The following PAPOLA variants were observed in gnomAD, a reference collection of about 807,000 sequenced individuals.
The protein encoded by PAPOLA is poly(A) polymerase alpha, also known as polynucleotide adenylyltransferase alpha.
PAPOLA carries 15 observed loss-of-function variants against 100.6 expected under a neutral mutation model. The ratio of observed to expected loss-of-function variants is 0.15; its 90% CI spans 0.10 to 0.23. The LOEUF is 0.23. Among genes scored for constraint, PAPOLA ranks in the 10% least tolerant of loss-of-function variants. The pLI is 1.00. For synonymous variants in PAPOLA, 293 were observed against 300.0 expected (o/e 0.98, Z 0.24); for missense variants, 533 against 884.2 (o/e 0.60, Z 5.04).
chr14:96,544,453 T>A (rs191596973), intron 15 of PAPOLA, among the ~76,000 whole-genome samples, 195 bp downstream of exon 15: 27 of 152,108 alleles, frequency 1.8e-4, no homozygotes, highest in African/African-American at 6.5e-4. Flanking sequence ...CCAGAAGTGT[T>A]TAGGATTTTT....
chr14:96,552,149 T>C (rs1900893615), intron 16 of PAPOLA, among the ~76,000 whole-genome samples: 1 of 152,224 alleles, frequency 6.6e-6, no homozygotes, highest in Admixed American at 6.5e-5. Flanking sequence ...TGTATATTTT[T>C]AGAGTTCTCT....
In PAPOLA at chr14:96,520,000, T is replaced by G. The variant is rs1897809038; in HGVS notation, c.9-55T>G. The G allele has an allele frequency of 3.6e-6, 5 of 1,402,686 alleles. No individual in the cohort carries two copies. The Admixed American group carries it at 6.2e-5, about 17-fold the overall frequency. The allele number at this position is 1,402,686 out of a possible 1,614,324, so 86.9% of individuals were successfully genotyped here. A position where few individuals can be genotyped will look rare whatever the true frequency, so the allele number is the denominator to read the frequency against. On this transcript the variant is annotated intron_variant, in intron 1 of 21. Coordinates refer to ENST00000216277, the MANE Select transcript of PAPOLA (RefSeq NM_032632.5). ...AATTAGTTTTTCTGGTCTTACTGAT[T>G]TGTTTCAAATTGTAGAATTCTTTTG...
chr14:96,520,533 G>C (rs1172455763), intron 2 of PAPOLA, among the ~76,000 whole-genome samples: 1 of 151,944 alleles, frequency 6.6e-6, no homozygotes, highest in Non-Finnish European at 1.5e-5. Flanking sequence ...CCGCCACCAC[G>C]CCCGGCTAAT....
Position 96,506,080 on chromosome 14 carries a change from T to A in PAPOLA, c.8+3480T>A, listed in dbSNP as rs562559417. ...CACCACGCTCAGCTAATTTTTGTAT[T>A]TTTAGTAGAGACGAGGTTTCACCAT... is the stretch of plus-strand genomic sequence containing the variant. On this transcript the variant is annotated intron_variant, in intron 1 of 21. Coordinates refer to ENST00000216277, the MANE Select transcript of PAPOLA (RefSeq NM_032632.5). Among the ~76,000 whole-genome samples the A allele has an allele frequency of 8.9e-4, 136 of 152,244 alleles. 1 individual carries two copies. The South Asian group carries it at 0.02, about 23-fold the overall frequency.
chr14:96,511,947 A>G (rs533611054), intron 1 of PAPOLA, among the ~76,000 whole-genome samples: 2 of 152,350 alleles, frequency 1.3e-5, no homozygotes, highest in East Asian at 3.9e-4. Context: ...TATTTCACAA[A>G]ATAGTGTTTT....
chr14:96,536,902 G>C, intron 11 of PAPOLA, 74 bp from the exon 12 acceptor site: 2 of 845,530 alleles, frequency 2.4e-6, no homozygotes, highest in Admixed American at 3.8e-5. Flanking sequence ...AGTGCATGTA[G>C]TATGATTAAG....
At chr14:96,556,435 T>G in intron 19 of PAPOLA, 22 bp downstream of exon 19, 1 of 1,466,812 alleles carries the variant, frequency 6.8e-7, no homozygotes, top group African/African-American at 1.4e-5. Flanking sequence ...AAAAACATAT[T>G]AGTTAGCCAT....
rs71103533 is a variant in PAPOLA at position 96,507,280 on chromosome 14, G to GTTTTTTTTTTTTTTTTT, written c.8+4689_8+4705dup. Among the ~76,000 whole-genome samples, 50 of 80,694 alleles carry GTTTTTTTTTTTTTTTTT rather than the reference G, an allele frequency of 6.2e-4. 3 individuals are homozygous for GTTTTTTTTTTTTTTTTT. The highest frequency in any genetic ancestry group is 1.8e-3 in the African/African-American group (31 of 17,602). The allele number at this position is 80,694 out of a possible 152,430, so 52.9% of individuals were successfully genotyped here. A position where few individuals can be genotyped will look rare whatever the true frequency, so the allele number is the denominator to read the frequency against. On this transcript the variant is annotated intron_variant, in intron 1 of 21. Coordinates refer to ENST00000216277, the MANE Select transcript of PAPOLA (RefSeq NM_032632.5). ...ACTAAATTTTTTGTTTTGGAAAATA[G>GTTTTTTTTTTTTTTTTT]TTTTTTTTTTTTTTTTTTTTTTTTT...
At chr14:96,510,786 T>TC in intron 1 of PAPOLA, among the ~76,000 whole-genome samples, 1 of 152,358 alleles carries the variant, frequency 6.6e-6, no homozygotes, top group African/African-American at 2.4e-5. Context: ...CAGAACACCT[T>TC]ACGGTGGGCC....
At chr14:96,537,091 G>C (rs776914045) in intron 12 of PAPOLA, 31 bp downstream of exon 12, 2 of 1,139,706 alleles carry the variant, frequency 1.8e-6, no homozygotes, top group Admixed American at 3.4e-5. Flanking sequence ...CGGACATGTT[G>C]CTCTCTTAAG....
intron 19 of PAPOLA, among the ~76,000 whole-genome samples, chr14:96,556,616 A>C (rs572008511): frequency 1.3e-5 from 2 of 152,314 alleles, no homozygotes; most frequent in East Asian, 3.9e-4. Flanking sequence ...CTCTGCTATA[A>C]AGCTATGCCC....
chr14:96,511,470 T>C (rs544507586), intron 1 of PAPOLA, among the ~76,000 whole-genome samples: 5 of 152,346 alleles, frequency 3.3e-5, no homozygotes, highest in African/African-American at 1.2e-4. Context: ...GGAAATATGA[T>C]GTTCTGTCCT....
At chr14:96,531,065 C>T (rs1217715287) in intron 6 of PAPOLA, among the ~76,000 whole-genome samples, 3 of 152,080 alleles carry the variant, frequency 2.0e-5, no homozygotes, top group Non-Finnish European at 4.4e-5. Context: ...TGCAGTGGTG[C>T]GGTCTCGGCT....
At chr14:96,538,668 A>G (rs1286377779) in intron 12 of PAPOLA, among the ~76,000 whole-genome samples, 1 of 152,048 alleles carries the variant, frequency 6.6e-6, no homozygotes, top group Non-Finnish European at 1.5e-5. Context: ...AGTTTTATCC[A>G]TACCAAATTC....
chr14:96,547,641 A>G (rs994118546), intron 15 of PAPOLA, 156 bp from the exon 16 acceptor site: 7 of 521,116 alleles, frequency 1.3e-5, no homozygotes, highest in South Asian at 6.1e-5. Context: ...TGCTCAGGCA[A>G]TGAATTATGT....
chr14:96,530,955 G>C (rs1443349072), intron 6 of PAPOLA, among the ~76,000 whole-genome samples: 1 of 151,124 alleles, frequency 6.6e-6, no homozygotes, highest in Non-Finnish European at 1.5e-5. Context: ...TGCATGGGAG[G>C]TCCATAGCTG....
At chr14:96,518,220 G>T (rs767414265) in intron 1 of PAPOLA, among the ~76,000 whole-genome samples, 1 of 152,104 alleles carries the variant, frequency 6.6e-6, no homozygotes, top group African/African-American at 2.4e-5. Context: ...TAGATGACAC[G>T]CAGTCCAGCA....
At chr14:96,537,984 A>G (rs1393219870) in intron 12 of PAPOLA, 2 of 152,028 alleles carry the variant, frequency 1.3e-5, no homozygotes, top group Non-Finnish European at 2.9e-5. Flanking sequence ...TCGAAGCACT[A>G]CGTTGTCAGT....
intron 12 of PAPOLA, among the ~76,000 whole-genome samples, chr14:96,538,314 G>A (rs532177702): frequency 7.4e-4 from 112 of 151,910 alleles, no homozygotes; most frequent in African/African-American, 2.7e-3. Context: ...ACTGTGACGG[G>A]GCTTCTTTCA....
Sources: gnomAD v4.1 joint callset for allele counts (sites outside exome capture counted in the v4.1 genomes callset) on GRCh38, gnomAD v4.1.1 for gene constraint, MANE v1.5 for transcripts, NCBI Gene and HGNC (gene_info 2026-07-23, HGNC 2026-07-21) for gene names.